Variants in LYPLAL1 observed in about 807,000 individuals in gnomAD.
LYPLAL1 encodes the protein lysophospholipase like 1.
Under a neutral mutation model 19.7 loss-of-function variants are expected in LYPLAL1, and 23 were observed. The observed-to-expected ratio is 1.17, with a 90% CI of 0.84 to 1.65. The LOEUF (loss-of-function observed/expected upper bound fraction) is 1.65, where lower values mean the gene tolerates loss of function less well. Ranked by LOEUF, LYPLAL1 falls within the 40% of genes most tolerant of loss-of-function variation. The pLI is 0.00. For missense variants in LYPLAL1, 355 were observed against 279.4 expected (o/e 1.27, Z -1.93); for synonymous variants, 119 against 96.3 (o/e 1.24, Z -1.38).
In LYPLAL1 at chr1:219,191,437, A is replaced by T. The variant is rs560385095; in HGVS notation, c.192-1645A>T. ...TATAGCCATTAAAAGGGTAAGTTAG[A>T]ACTGTAACTGATGAAAGGATTTCCA... On this transcript the variant is annotated intron_variant, in intron 2 of 4. Transcript: ENST00000366928. Among the ~76,000 whole-genome samples the T allele has an allele frequency of 3.3e-5, 5 of 151,792 alleles. No individual in the cohort carries two copies. The East Asian group carries it at 9.7e-4, about 29-fold the overall frequency.
chr1:219,182,325 C>T (rs2125034768), intron 2 of LYPLAL1, among the ~76,000 whole-genome samples: 1 of 152,218 alleles, frequency 6.6e-6, no homozygotes, highest in Non-Finnish European at 1.5e-5. Context: ...ACTGGTGTTC[C>T]TAACACATTA....
At chr1:219,180,589 ATGTC>A (rs1160614129) in intron 2 of LYPLAL1, among the ~76,000 whole-genome samples, 18 of 152,184 alleles carry the variant, frequency 1.2e-4, no homozygotes, top group African/African-American at 4.3e-4. Context: ...GTCTTTGAAA[ATGTC>A]AAAAAAGCTT....
chr1:219,187,943 A>G lies in LYPLAL1; in HGVS notation c.192-5139A>G, dbSNP rs538972136. ...TACTAGTATGGAAAAGTTTTCTTAG[A>G]TATGATTTTTTAAAAAAGAAACAAA... On this transcript the variant is annotated intron_variant, in intron 2 of 4. Coordinates refer to ENST00000366928, the MANE Select transcript of LYPLAL1 (RefSeq NM_138794.5). 4.4e-4 allele frequency among the ~76,000 whole-genome samples: 67 copies of G among 151,944 alleles called. 1 individual carries two copies. Among genetic ancestry groups the G allele is most frequent in the African/African-American group, 1.3e-3 (52 of 41,522 alleles).
chr1:219,349,986 A>C, the LYPLAL1 span, among the ~76,000 whole-genome samples: 2 of 152,202 alleles, frequency 1.3e-5, no homozygotes, highest in Non-Finnish European at 2.9e-5. Context: ...TACATTATTC[A>C]ATGATGCCTT....
At chr1:219,313,010 A>T in the LYPLAL1 span, among the ~76,000 whole-genome samples, 1 of 152,308 alleles carries the variant, frequency 6.6e-6, no homozygotes, top group East Asian at 1.9e-4. Context: ...GTTTAGTATT[A>T]TAGGTTATAG....
the LYPLAL1 span, chr1:219,222,265 A>T: frequency 6.6e-6 from 1 of 152,148 alleles, no homozygotes; most frequent in Non-Finnish European, 1.5e-5. Context: ...TTAATGTGGC[A>T]GCTGCTTGCA....
At chr1:219,229,523 G>T in the LYPLAL1 span, among the ~76,000 whole-genome samples, 3 of 152,084 alleles carry the variant, frequency 2.0e-5, no homozygotes, top group Admixed American at 6.5e-5. Flanking sequence ...CGATTCTTCC[G>T]GTAAACCAGG....
the LYPLAL1 span, among the ~76,000 whole-genome samples, chr1:219,348,661 T>C: frequency 6.6e-6 from 1 of 152,216 alleles, no homozygotes; most frequent in African/African-American, 2.4e-5. Flanking sequence ...CAGTCTATGG[T>C]AAATATGCAG....
At chr1:219,183,946 A>G (rs912460635) in intron 2 of LYPLAL1, among the ~76,000 whole-genome samples, 1 of 151,884 alleles carries the variant, frequency 6.6e-6, no homozygotes, top group African/African-American at 2.4e-5. Flanking sequence ...ACTCTATTCC[A>G]TTGGTCTAAT....
chr1:219,344,793 A>G, the LYPLAL1 span, among the ~76,000 whole-genome samples: 11 of 152,188 alleles, frequency 7.2e-5, no homozygotes, highest in Admixed American at 2.6e-4. Context: ...AGTCCATTAA[A>G]ATATCCAGTC....
chr1:219,399,727 G>A, the LYPLAL1 span, among the ~76,000 whole-genome samples: 3 of 152,102 alleles, frequency 2.0e-5, no homozygotes, highest in African/African-American at 7.2e-5. Context: ...GACAAGGTGG[G>A]GTCCCAGGAG....
the LYPLAL1 span, among the ~76,000 whole-genome samples, chr1:219,249,265 A>T: frequency 6.6e-6 from 1 of 152,040 alleles, no homozygotes; most frequent in Non-Finnish European, 1.5e-5. Context: ...CGCACACAGT[A>T]TGTGGCTTAT....
the LYPLAL1 span, among the ~76,000 whole-genome samples, chr1:219,316,186 C>T: frequency 6.6e-6 from 1 of 152,130 alleles, no homozygotes; most frequent in African/African-American, 2.4e-5. Flanking sequence ...AATGTTTTTT[C>T]TGCATCAATT....
chr1:219,410,577 C>T, the LYPLAL1 span, among the ~76,000 whole-genome samples: 6 of 152,382 alleles, frequency 3.9e-5, no homozygotes, highest in African/African-American at 1.2e-4. Context: ...CAGTCCCCTA[C>T]TGCACTGTGG....
the LYPLAL1 span, among the ~76,000 whole-genome samples, chr1:219,393,557 C>T: frequency 6.6e-6 from 1 of 152,022 alleles, no homozygotes; most frequent in Admixed American, 6.6e-5. Flanking sequence ...GCAGGGTTAG[C>T]CTGGCTTTGC....
At chr1:219,335,320 ATTAAG>A in the LYPLAL1 span, among the ~76,000 whole-genome samples, 18 of 152,072 alleles carry the variant, frequency 1.2e-4, no homozygotes, top group African/African-American at 4.1e-4. Context: ...TGAATTACTT[ATTAAG>A]TTAACTACAA....
chr1:219,303,848 G>A, the LYPLAL1 span, among the ~76,000 whole-genome samples: 1 of 152,082 alleles, frequency 6.6e-6, no homozygotes, highest in Non-Finnish European at 1.5e-5. Context: ...GGCTCGGGTG[G>A]CTACTATGTT....
the LYPLAL1 span, among the ~76,000 whole-genome samples, chr1:219,241,126 CTCTCTCTCTA>C: frequency 0.041 from 3,644 of 89,134 alleles, 71 homozygotes; most frequent in Non-Finnish European, 0.058. Flanking sequence ...CTCTCTCTCT[CTCTCTCTCTA>C]TATATATATA....
chr1:219,220,758 G>A, the LYPLAL1 span, among the ~76,000 whole-genome samples: 1 of 152,062 alleles, frequency 6.6e-6, no homozygotes, highest in African/African-American at 2.4e-5. Flanking sequence ...CATCAAATCT[G>A]ACTACTAGCC....
Sources: gnomAD v4.1 joint callset for allele counts (sites outside exome capture counted in the v4.1 genomes callset) on GRCh38, gnomAD v4.1.1 for gene constraint, MANE v1.5 for transcripts, NCBI Gene and HGNC (gene_info 2026-07-23, HGNC 2026-07-21) for gene names.